Variants in ZNF365 observed in about 807,000 individuals in gnomAD.
ZNF365 encodes protein ZNF365.
In ZNF365, 22 loss-of-function variants were observed where a neutral mutation model predicts 35.0. The ratio of observed to expected loss-of-function variants is 0.63; its 90% CI spans 0.45 to 0.90. The LOEUF (loss-of-function observed/expected upper bound fraction) is 0.90. ZNF365 is among the 40% of genes least tolerant of loss of function. The pLI, the probability that ZNF365 is intolerant of heterozygous loss-of-function variation, is 0.00. For missense variants in ZNF365, 448 were observed against 500.3 expected, an observed-to-expected ratio of 0.90 and a Z score of 1.00; for synonymous variants, 188 against 196.2, an observed-to-expected ratio of 0.96 and a Z score of 0.35.
chr10:62,419,210 G>C (rs1840127625), intron 3 of ZNF365, among the ~76,000 whole-genome samples: 1 of 151,932 alleles, frequency 6.6e-6, no homozygotes, highest in Admixed American at 6.6e-5. Context: ...TCTTAAAGAT[G>C]GTACTATGTA....
At chr10:62,392,611 T>G (rs1160354003) in intron 3 of ZNF365, among the ~76,000 whole-genome samples, 3 of 21,942 alleles carry the variant, frequency 1.4e-4, no homozygotes, top group Non-Finnish European at 3.9e-4. Context: ...GCCGTTTGTT[T>G]GTTTGTTTGT....
chr10:62,374,671 G>C (rs902658553), intron 1 of ZNF365, among the ~76,000 whole-genome samples: 4 of 152,170 alleles, frequency 2.6e-5, no homozygotes, highest in African/African-American at 9.7e-5. Flanking sequence ...GGGGAGAGCT[G>C]GGACCCCGGG....
chr10:62,457,985 C>A (rs1840787329), intron 3 of ZNF365, among the ~76,000 whole-genome samples: 1 of 152,212 alleles, frequency 6.6e-6, no homozygotes, highest in African/African-American at 2.4e-5. Flanking sequence ...TTAGCTCTCC[C>A]AGGGAGACAT....
chr10:62,474,776 C>T (rs904828831), intron 4 of ZNF365, among the ~76,000 whole-genome samples: 1 of 152,172 alleles, frequency 6.6e-6, no homozygotes, highest in Admixed American at 6.5e-5. Flanking sequence ...AACGTTTTCT[C>T]CCAAGTTGAC....
chr10:62,398,740 C>T lies in ZNF365; in HGVS notation c.925C>T (p.Leu309Phe). 1 of 1,612,318 alleles carries T rather than the reference C, an allele frequency of 6.2e-7. No individual in the cohort carries two copies. The highest frequency in any genetic ancestry group is 8.5e-7 in the Non-Finnish European group (1 of 1,179,362). The change falls in exon 4 of 5, where the codon CTT becomes TTT. Residue 309 changes from leucine (L) to phenylalanine (F), a missense_variant and splice_region_variant. By Grantham distance (22) the Leu-to-Phe change is conservative. This residue lies in a region of ZNF365 where 362 missense variants were observed against 375.7 expected (regional missense o/e 0.96). Coordinates refer to ENST00000395254, the MANE Select transcript of ZNF365 (RefSeq NM_014951.3). Reference protein sequence around the residue: ...GFVRDLSGHVLTDISSNRKPK... With the variant: ...GFVRDLSGHVFTDISSNRKPK... The stretch of plus-strand genomic sequence containing the variant: ...TTTTTTCTTATTTGTTTTCCTTCAG[C>T]TTACAGACATCTCCTCAAATAGGAA...
chr10:62,393,737 T>C (rs1247888655), intron 3 of ZNF365, among the ~76,000 whole-genome samples: 1 of 152,226 alleles, frequency 6.6e-6, no homozygotes, highest in East Asian at 1.9e-4. Context: ...TCAACCTTCA[T>C]GGACTTGCTC....
chr10:62,392,008 C>T (rs1010822447), intron 3 of ZNF365, among the ~76,000 whole-genome samples: 3 of 152,102 alleles, frequency 2.0e-5, no homozygotes, highest in South Asian at 4.1e-4. Flanking sequence ...TTAGTAATGT[C>T]GAGCATTTTT....
rs760355310 is a variant in ZNF365, at chr10:62,398,802, G to A, written c.962+25G>A. The A allele has an allele frequency of 5.6e-5, 90 of 1,601,880 alleles. No individual in the cohort carries two copies. In the Admixed American group the frequency reaches 1.2e-3, roughly 21 times the overall value. ...TGTATGTATGTATTTTTATACTTGG[G>A]CCATTTGATAATGTTTGTATTGTAT... On this transcript the variant is annotated intron_variant, in intron 4 of 4. Coordinates refer to ENST00000395254, the MANE Select transcript of ZNF365 (RefSeq NM_014951.3).
intron 3 of ZNF365, among the ~76,000 whole-genome samples, chr10:62,430,457 G>A (rs1294357084): frequency 1.3e-5 from 2 of 152,064 alleles, no homozygotes; most frequent in Non-Finnish European, 2.9e-5. Context: ...TGGGATTACA[G>A]GCGTGATGGA....
chr10:62,427,345 G>A (rs534303000), intron 3 of ZNF365, among the ~76,000 whole-genome samples: 23 of 152,056 alleles, frequency 1.5e-4, no homozygotes, highest in Non-Finnish European at 3.2e-4. Flanking sequence ...AACCACCTAC[G>A]GTATCCAGTA....
At chr10:62,420,784 CT>C (rs10715709) in intron 3 of ZNF365, among the ~76,000 whole-genome samples, 90,399 of 147,990 alleles carry the variant, frequency 0.61, 28,033 homozygotes, top group East Asian at 0.84. Context: ...TGTTTTCAGG[CT>C]TTTTTTTTTT....
chr10:62,456,209 C>G (rs1184181889), intron 3 of ZNF365, among the ~76,000 whole-genome samples: 1 of 151,868 alleles, frequency 6.6e-6, no homozygotes, highest in African/African-American at 2.4e-5. Context: ...TAGTGGCCAC[C>G]CATGGGACAC....
At chr10:62,376,052 C>T in intron 1 of ZNF365, 129 bp from the exon 2 acceptor site, 1 of 998,088 alleles carries the variant, frequency 1.0e-6, no homozygotes, top group Non-Finnish European at 1.5e-6. Flanking sequence ...GTTTTAAGTG[C>T]AACATAAAAT....
At chr10:62,411,252 T>C (rs1839980401) in intron 3 of ZNF365, among the ~76,000 whole-genome samples, 1 of 152,196 alleles carries the variant, frequency 6.6e-6, no homozygotes, top group Non-Finnish European at 1.5e-5. Flanking sequence ...TGATGATAGT[T>C]TATTTTGCTG....
chr10:62,453,608 C>A (rs922838610), intron 3 of ZNF365, among the ~76,000 whole-genome samples: 3 of 152,090 alleles, frequency 2.0e-5, no homozygotes, highest in Non-Finnish European at 4.4e-5. Flanking sequence ...GGTGTAGGTA[C>A]TTTTTTTAAT....
chr10:62,430,952 A>G (rs1159794278), intron 3 of ZNF365, among the ~76,000 whole-genome samples: 2 of 152,240 alleles, frequency 1.3e-5, no homozygotes, highest in African/African-American at 4.8e-5. Flanking sequence ...TAAGAATCTA[A>G]TACTATCATT....
intron 4 of ZNF365, among the ~76,000 whole-genome samples, chr10:62,462,037 C>T (rs916868121): frequency 1.3e-5 from 2 of 151,858 alleles, no homozygotes; most frequent in African/African-American, 2.4e-5. Context: ...GTTGTTGTTC[C>T]TTCCTTTGGT....
At chr10:62,410,573 GT>G (rs1474238316) in intron 3 of ZNF365, among the ~76,000 whole-genome samples, 1 of 151,984 alleles carries the variant, frequency 6.6e-6, no homozygotes, top group Non-Finnish European at 1.5e-5. Flanking sequence ...ATGTCTATGT[GT>G]TCATATTGTT....
intron 2 of ZNF365, among the ~76,000 whole-genome samples, chr10:62,382,473 C>G (rs144201833): frequency 6.6e-6 from 1 of 152,150 alleles, no homozygotes; most frequent in Non-Finnish European, 1.5e-5. Flanking sequence ...TGGTAAAATT[C>G]GGAAACCCAG....
Sources: gnomAD v4.1 joint callset for allele counts (sites outside exome capture counted in the v4.1 genomes callset) on GRCh38, gnomAD v4.1.1 for gene constraint, gnomAD v4.1.1 regional missense constraint, MANE v1.5 for transcripts, NCBI Gene and HGNC (gene_info 2026-07-23, HGNC 2026-07-21) for gene names.